Variants in TIAM1 observed in about 807,000 individuals in gnomAD.
TIAM1 encodes the protein rho guanine nucleotide exchange factor TIAM1.
A neutral mutation model predicts 163.5 loss-of-function variants in TIAM1; 65 were observed. The observed-to-expected ratio is 0.40, with a 90% CI of 0.33 to 0.49. TIAM1 has a LOEUF of 0.49. Among genes scored for constraint, TIAM1 ranks in the 20% least tolerant of loss-of-function variants. The probability of loss-of-function intolerance (pLI) is 0.77; values close to 1 mark genes in which losing one functional copy is unlikely to be tolerated. For synonymous variants in TIAM1, 833 were observed against 810.1 expected (o/e 1.03, Z -0.48); for missense variants, 1,789 against 2,044.7 (o/e 0.87, Z 2.41).
At chr21:31,227,286 C>T (rs1287621512) in intron 6 of TIAM1, among the ~76,000 whole-genome samples, 1 of 152,028 alleles carries the variant, frequency 6.6e-6, no homozygotes, top group African/African-American at 2.4e-5. Flanking sequence ...TTAACAGGAA[C>T]CCACCAGCAC....
intron 12 of TIAM1, among the ~76,000 whole-genome samples, chr21:31,196,478 A>ATTTTTTTT (rs59358430): frequency 0.064 from 8,484 of 132,714 alleles, 801 homozygotes; most frequent in African/African-American, 0.19. Context: ...CATCTGGCTA[A>ATTTTTTTT]TTTTTTTTTT....
intron 2 of TIAM1, among the ~76,000 whole-genome samples, chr21:31,442,325 T>G (rs1208433887): frequency 2.1e-5 from 3 of 146,322 alleles, no homozygotes; most frequent in Non-Finnish European, 4.5e-5. Context: ...CTCCACCTCC[T>G]GGGCTCAAGT....
intron 1 of TIAM1, among the ~76,000 whole-genome samples, chr21:31,549,610 G>A (rs2048614695): frequency 6.6e-6 from 1 of 152,148 alleles, no homozygotes; most frequent in Admixed American, 6.5e-5. Context: ...AAAACCATGA[G>A]GAGATACAGC....
At chr21:31,544,969 C>T (rs2048441852) in intron 1 of TIAM1, among the ~76,000 whole-genome samples, 1 of 152,006 alleles carries the variant, frequency 6.6e-6, no homozygotes, top group Non-Finnish European at 1.5e-5. Context: ...GCCAAGATCA[C>T]GCCACTGTAC....
At chr21:31,329,517 G>GT (rs919495989) in intron 2 of TIAM1, among the ~76,000 whole-genome samples, 50 of 151,640 alleles carry the variant, frequency 3.3e-4, no homozygotes, top group African/African-American at 1.2e-3. Context: ...CCTGCTGTCC[G>GT]TAACCACCCT....
intron 8 of TIAM1, among the ~76,000 whole-genome samples, chr21:31,220,602 C>T (rs1360484277): frequency 6.6e-6 from 1 of 152,250 alleles, no homozygotes; most frequent in Admixed American, 6.5e-5. Context: ...CAGTTATCAG[C>T]TGACTAGTTA....
chr21:31,510,757 T>C (rs1365956120), intron 1 of TIAM1, among the ~76,000 whole-genome samples: 1 of 150,892 alleles, frequency 6.6e-6, no homozygotes. Context: ...GAGGTTGCAG[T>C]GAGTTGAGAT....
intron 1 of TIAM1, among the ~76,000 whole-genome samples, chr21:31,522,630 C>T (rs1415745499): frequency 6.6e-6 from 1 of 152,208 alleles, no homozygotes; most frequent in African/African-American, 2.4e-5. Context: ...GGGCCTCAGG[C>T]TTCCCATCAG....
intron 2 of TIAM1, among the ~76,000 whole-genome samples, chr21:31,427,517 T>A (rs112887911): frequency 0.038 from 5,797 of 151,368 alleles, 359 homozygotes; most frequent in African/African-American, 0.13. Flanking sequence ...AAATAAATTT[T>A]AAAAAAGATT....
chr21:31,453,340 A>C (rs1319133948), intron 2 of TIAM1: 1 of 163,996 alleles, frequency 6.1e-6, no homozygotes, highest in Non-Finnish European at 1.3e-5. Flanking sequence ...TGTGGCAGGA[A>C]CTGTGGGTGT....
intron 23 of TIAM1, among the ~76,000 whole-genome samples, chr21:31,133,177 C>T (rs1295023894): frequency 6.6e-6 from 1 of 152,182 alleles, no homozygotes; most frequent in Non-Finnish European, 1.5e-5. Context: ...GAAATCACAC[C>T]CAAACCATCA....
chr21:31,516,010 A>C (rs937382336), intron 1 of TIAM1, among the ~76,000 whole-genome samples: 5 of 150,792 alleles, frequency 3.3e-5, no homozygotes, highest in African/African-American at 1.2e-4. Context: ...CAGGAGGCTG[A>C]GGTAGGAGAA....
At chr21:31,316,844 C>G (rs142849613) in intron 2 of TIAM1, among the ~76,000 whole-genome samples, 1 of 152,116 alleles carries the variant, frequency 6.6e-6, no homozygotes. Context: ...GTTGGACCAC[C>G]GTGGATCGTG....
chr21:31,174,678 G>A (rs1601415779), intron 15 of TIAM1, among the ~76,000 whole-genome samples: 1 of 151,966 alleles, frequency 6.6e-6, no homozygotes, highest in South Asian at 2.1e-4. Context: ...AGAGAGTTTC[G>A]CTCTTGTTGT....
chr21:31,328,136 T>C (rs2075557248), intron 2 of TIAM1, among the ~76,000 whole-genome samples: 1 of 152,146 alleles, frequency 6.6e-6, no homozygotes, highest in Admixed American at 6.5e-5. Context: ...ACCCATGCAG[T>C]GGGGCCTTCC....
intron 2 of TIAM1, among the ~76,000 whole-genome samples, chr21:31,322,456 G>GGA (rs1555936124): frequency 1.4e-5 from 2 of 140,938 alleles, no homozygotes; most frequent in African/African-American, 2.6e-5. Flanking sequence ...GGTGGGGGGG[G>GGA]GTGCCATCAT....
intron 10 of TIAM1, 70 bp from the exon 11 acceptor site, chr21:31,210,285 A>G: frequency 6.6e-7 from 1 of 1,525,834 alleles, no homozygotes; most frequent in Non-Finnish European, 8.9e-7. Flanking sequence ...CCCAGACTGC[A>G]CACAGGAATC....
At chr21:31,315,809 G>A (rs890796937) in intron 2 of TIAM1, among the ~76,000 whole-genome samples, 2 of 151,094 alleles carry the variant, frequency 1.3e-5, no homozygotes, top group Admixed American at 6.6e-5. Flanking sequence ...GTGAAACCCC[G>A]TCTCTACTAA....
At chr21:31,337,997 C>A (rs2075899473) in intron 2 of TIAM1, among the ~76,000 whole-genome samples, 1 of 152,076 alleles carries the variant, frequency 6.6e-6, no homozygotes, top group Admixed American at 6.5e-5. Context: ...CCTGGGAGTC[C>A]CTGTACCCCC....
Sources: gnomAD v4.1 joint callset for allele counts (sites outside exome capture counted in the v4.1 genomes callset) on GRCh38, gnomAD v4.1.1 for gene constraint, MANE v1.5 for transcripts, NCBI Gene and HGNC (gene_info 2026-07-23, HGNC 2026-07-21) for gene names.